Variants in KIRREL3 observed in about 807,000 individuals in gnomAD.
KIRREL3 encodes the protein kin of IRRE-like protein 3.
Under a neutral mutation model 89.7 loss-of-function variants are expected in KIRREL3, and 36 were observed. The ratio of observed to expected loss-of-function variants is 0.40; its 90% CI spans 0.31 to 0.53. The LOEUF is 0.53. Among genes scored for constraint, KIRREL3 ranks in the 20% least tolerant of loss-of-function variants. The probability of loss-of-function intolerance (pLI) is 0.49; values close to 1 mark genes in which losing one functional copy is unlikely to be tolerated. For missense variants in KIRREL3, 864 were observed against 1,056.6 expected (o/e 0.82, Z 2.53); for synonymous variants, 445 against 441.4 (o/e 1.01, Z -0.10).
chr11:126,814,251 A>C lies in KIRREL3; in HGVS notation c.55+186204T>G, dbSNP rs1209409114. Among the ~76,000 whole-genome samples, 1 of 152,172 alleles carries C rather than the reference A, an allele frequency of 6.6e-6. No homozygotes were observed. Among genetic ancestry groups the C allele is most frequent in the East Asian group, 1.9e-4 (1 of 5,190 alleles). On this transcript the variant is annotated intron_variant, in intron 1 of 16. Transcript: ENST00000525144. The surrounding 1 kb of genome is among the most constrained non-coding windows in gnomAD (Gnocchi z 4.4). ...AATGGCTTTTTTTTTAAAATTAAAA[A>C]GTCAAAAAGCAACAGATGCTGGCGA...
At chr11:126,779,042 A>G (rs1221548095) in intron 1 of KIRREL3, among the ~76,000 whole-genome samples, 2 of 152,228 alleles carry the variant, frequency 1.3e-5, no homozygotes, top group Non-Finnish European at 2.9e-5. Flanking sequence ...GAGCCCTATC[A>G]TCCCTTATCT....
chr11:126,662,310 C>A (rs1465770774), intron 1 of KIRREL3, among the ~76,000 whole-genome samples: 1 of 152,182 alleles, frequency 6.6e-6, no homozygotes, highest in East Asian at 1.9e-4. Flanking sequence ...TCAAAGAAAC[C>A]AGAAAACGGG....
chr11:126,813,697 G>T (rs139635204), intron 1 of KIRREL3, among the ~76,000 whole-genome samples: 1 of 151,784 alleles, frequency 6.6e-6, no homozygotes, highest in African/African-American at 2.4e-5. Context: ...AAGCAAAGAG[G>T]TCTCAAATAT....
intron 5 of KIRREL3, among the ~76,000 whole-genome samples, chr11:126,467,512 A>G (rs932404011): frequency 6.6e-6 from 1 of 152,150 alleles, no homozygotes; most frequent in Non-Finnish European, 1.5e-5. Context: ...ACTGGTGCTA[A>G]ATATGGGGTG....
Position 126,471,522 on chromosome 11 carries a change from G to A in KIRREL3, c.591+1787C>T, listed in dbSNP as rs564360963. Among the ~76,000 whole-genome samples, 151 of 152,278 alleles carry A rather than the reference G, an allele frequency of 9.9e-4. No individual in the cohort carries two copies. Among genetic ancestry groups the A allele is most frequent in the African/African-American group, 3.4e-3 (143 of 41,546 alleles). ...GAGGTGTGGGGAGAGTGTGGGCACAGCCTCTGTTGTGGCTTGCTTTCATAG... is the reference window on the plus strand; with the variant it reads ...GAGGTGTGGGGAGAGTGTGGGCACAACCTCTGTTGTGGCTTGCTTTCATAG... On this transcript the variant is annotated intron_variant, in intron 5 of 16. Transcript: ENST00000525144. The surrounding 1 kb of genome is among the most constrained non-coding windows in gnomAD (Gnocchi z 5.4).
At position 126,685,340 on chromosome 11, in the gene KIRREL3, G is replaced by C. The variant is rs909080775; in HGVS notation, c.56-122428C>G. Among the ~76,000 whole-genome samples, 3 of 152,124 alleles carry C rather than the reference G, an allele frequency of 2.0e-5. No individual in the cohort carries two copies. The highest frequency in any genetic ancestry group is 7.2e-5 in the African/African-American group (3 of 41,420). ...CCAGCACTGGGTGGGTTTTGTGCAG[G>C]AGAACTTCTTGCAGGAGACTTGGAG... On this transcript the variant is annotated intron_variant, in intron 1 of 16. Coordinates refer to ENST00000525144, the MANE Select transcript of KIRREL3 (RefSeq NM_032531.4). The surrounding 1 kb of genome is among the most constrained non-coding windows in gnomAD (Gnocchi z 5.5).
Position 126,476,232 on chromosome 11 carries a change from C to G in KIRREL3, c.434-2766G>C, listed in dbSNP as rs1295501175. ...TCACTGCGGGCCACACCCTGAGCAG[C>G]CAAGTCCCAGTCTCTGGAGGGGACC... On this transcript the variant is annotated intron_variant, in intron 4 of 16. Coordinates refer to ENST00000525144, the MANE Select transcript of KIRREL3 (RefSeq NM_032531.4). The surrounding 1 kb of genome is among the most constrained non-coding windows in gnomAD (Gnocchi z 6.4). 6.6e-6 allele frequency among the ~76,000 whole-genome samples: 1 copy of G among 152,188 alleles called. No individual in the cohort carries two copies. The highest frequency in any genetic ancestry group is 1.5e-5 in the Non-Finnish European group (1 of 68,030).
In KIRREL3 at chr11:126,528,393, C is replaced by T. The variant is rs78269039; in HGVS notation, c.134-1706G>A. Among the ~76,000 whole-genome samples the T allele has an allele frequency of 0.022, 3,336 of 152,244 alleles. 67 individuals carry two copies. The highest frequency in any genetic ancestry group is 0.032 in the Non-Finnish European group (2,144 of 68,008). ...CTTGGTGTGTATCAACCCAGGGGAG[C>T]TTGGATGGCAGCAGAGCTTGGGGTG... On this transcript the variant is annotated intron_variant, in intron 2 of 16. Coordinates refer to ENST00000525144, the MANE Select transcript of KIRREL3 (RefSeq NM_032531.4). The surrounding 1 kb of genome is among the most constrained non-coding windows in gnomAD (Gnocchi z 4.6).
rs1004640774 is a variant in KIRREL3, at chr11:126,454,896, G to C, written c.848+1453C>G. ...TTTCATCCTATTTAAAAATATCCTTGGGGATAGGAACTCTGGGCTCTGCCT... is the reference window on the plus strand; with the variant it reads ...TTTCATCCTATTTAAAAATATCCTTCGGGATAGGAACTCTGGGCTCTGCCT... On this transcript the variant is annotated intron_variant, in intron 7 of 16. Coordinates refer to ENST00000525144, the MANE Select transcript of KIRREL3 (RefSeq NM_032531.4). This position sits in a 1 kb window ranked among gnomAD's most constrained non-coding sequence, Gnocchi z 5.8. Among the ~76,000 whole-genome samples, 3 of 152,160 alleles carry C rather than the reference G, an allele frequency of 2.0e-5. No individual in the cohort carries two copies. In the East Asian group the frequency reaches 5.8e-4, roughly 29 times the overall value.
chr11:126,662,861 A>G (rs969617867), intron 1 of KIRREL3, among the ~76,000 whole-genome samples: 7 of 150,136 alleles, frequency 4.7e-5, no homozygotes, highest in Admixed American at 4.6e-4. Context: ...GGTTCTCAAC[A>G]TTAACTTTCT....
rs1349101620 is a variant in KIRREL3 at position 126,981,633 on chromosome 11, C to T, written c.55+18822G>A. On this transcript the variant is annotated intron_variant, in intron 1 of 16. Coordinates refer to ENST00000525144, the MANE Select transcript of KIRREL3 (RefSeq NM_032531.4). This position sits in a 1 kb window ranked among gnomAD's most constrained non-coding sequence, Gnocchi z 4.2. ...GCCTTTTATGGCACTGTTAAAACCA[C>T]ACATTTGGGTGTCGGAGGAGGTCTC... Among the ~76,000 whole-genome samples the T allele has an allele frequency of 6.6e-6, 1 of 152,216 alleles. No individual in the cohort carries two copies. The highest frequency in any genetic ancestry group is 6.5e-5 in the Admixed American group (1 of 15,286).
rs149820461 is a variant in KIRREL3, at chr11:126,677,385, A to T, written c.56-114473T>A. ...TTTTAGGATTGCACGTTCCCATCTG[A>T]TAACCGAATCTCCATTCTGGAGAAA... On this transcript the variant is annotated intron_variant, in intron 1 of 16. Transcript: ENST00000525144. The surrounding 1 kb of genome is among the most constrained non-coding windows in gnomAD (Gnocchi z 5.1). Among the ~76,000 whole-genome samples, 2 of 152,348 alleles carry T rather than the reference A, an allele frequency of 1.3e-5. No individual in the cohort carries two copies. The highest frequency in any genetic ancestry group is 3.9e-4 in the East Asian group (2 of 5,178).
intron 1 of KIRREL3, among the ~76,000 whole-genome samples, chr11:126,972,205 G>GAGAGAGAGAGAGAGT (rs1949445226): frequency 2.4e-5 from 1 of 40,992 alleles, no homozygotes; most frequent in African/African-American, 6.2e-5. Context: ...AGAGAGAGAG[G>GAGAGAGAGAGAGAGT]ACTGTGCATA....
At position 126,535,495 on chromosome 11, in the gene KIRREL3, T is replaced by G. The variant is rs182919714; in HGVS notation, c.134-8808A>C. Among the ~76,000 whole-genome samples the G allele has an allele frequency of 6.6e-6, 1 of 152,330 alleles. No individual in the cohort carries two copies. The highest frequency in any genetic ancestry group is 6.5e-5 in the Admixed American group (1 of 15,306). On this transcript the variant is annotated intron_variant, in intron 2 of 16. Transcript: ENST00000525144. The surrounding 1 kb of genome is among the most constrained non-coding windows in gnomAD (Gnocchi z 4.5). ...ATTTCCTGAGGGGGAAGAGTCATTT[T>G]GCCATGGAAGGCGCAGATTACAAGG...
rs1403346452 is a variant in KIRREL3, at chr11:126,523,513, T to C, written c.284-2049A>G. On this transcript the variant is annotated intron_variant, in intron 3 of 16. Transcript: ENST00000525144. The surrounding 1 kb of genome is among the most constrained non-coding windows in gnomAD (Gnocchi z 4.9). ...CTACCATCCTCATCATGCAATAAAA[T>C]GGCCCTGTCCTCCCCAGCTGTGCAG... is the stretch of plus-strand genomic sequence containing the variant. 1.3e-5 allele frequency among the ~76,000 whole-genome samples: 2 copies of C among 152,094 alleles called. No homozygotes were observed. Among genetic ancestry groups the C allele is most frequent in the African/African-American group, 4.8e-5 (2 of 41,424 alleles).
chr11:126,468,895 G>C (rs1956803775), intron 5 of KIRREL3, among the ~76,000 whole-genome samples: 1 of 152,194 alleles, frequency 6.6e-6, no homozygotes, highest in Non-Finnish European at 1.5e-5. Flanking sequence ...TCCCAGGTTT[G>C]AGCTAGGCCT....
intron 1 of KIRREL3, among the ~76,000 whole-genome samples, chr11:126,873,247 G>T (rs1945165907): frequency 6.6e-6 from 1 of 152,166 alleles, no homozygotes; most frequent in Non-Finnish European, 1.5e-5. Context: ...ATTTACTTCT[G>T]CTGTGAAGAA....
In KIRREL3 at chr11:126,624,922, C is replaced by A. The variant is rs77285743; in HGVS notation, c.56-62010G>T. ...GGTGGAAATTGGGGTGGGGCAGGGACTGCTGATGGCGTTTCCTAGTCACTC... is the reference window on the plus strand; with the variant it reads ...GGTGGAAATTGGGGTGGGGCAGGGAATGCTGATGGCGTTTCCTAGTCACTC... On this transcript the variant is annotated intron_variant, in intron 1 of 16. Coordinates refer to ENST00000525144, the MANE Select transcript of KIRREL3 (RefSeq NM_032531.4). The surrounding 1 kb of genome is among the most constrained non-coding windows in gnomAD (Gnocchi z 6.0). 0.022 allele frequency among the ~76,000 whole-genome samples: 3,392 copies of A among 152,166 alleles called. 127 individuals are homozygous for A. The highest frequency in any genetic ancestry group is 0.075 in the African/African-American group (3,127 of 41,500).
At chr11:126,873,046 T>A (rs1237066572) in intron 1 of KIRREL3, among the ~76,000 whole-genome samples, 1 of 152,232 alleles carries the variant, frequency 6.6e-6, no homozygotes, top group Non-Finnish European at 1.5e-5. Context: ...CAGATACATC[T>A]TTGTTCAGCC....
Sources: allele counts gnomAD v4.1 joint callset (sites outside exome capture counted in the v4.1 genomes callset), GRCh38; gene constraint gnomAD v4.1.1; non-coding constraint Gnocchi (gnomAD v3.1); transcripts MANE v1.5; gene names NCBI Gene and HGNC (gene_info 2026-07-23, HGNC 2026-07-21).